CASP2: variants seen among roughly 807,000 people sequenced by gnomAD.
The protein encoded by CASP2 is caspase-2.
CASP2 carries 38 observed loss-of-function variants against 54.4 expected under a neutral mutation model. The ratio of observed to expected loss-of-function variants is 0.70; its 90% CI spans 0.54 to 0.92. The LOEUF (loss-of-function observed/expected upper bound fraction) is 0.92, where lower values mean the gene tolerates loss of function less well. Among genes scored for constraint, CASP2 ranks in the 40% least tolerant of loss-of-function variants. The probability of loss-of-function intolerance (pLI) is 0.00; values close to 1 mark genes in which losing one functional copy is unlikely to be tolerated. For synonymous variants in CASP2, 215 were observed against 216.3 expected, an observed-to-expected ratio of 0.99 and a Z score of 0.05; for missense variants, 512 against 579.6, an observed-to-expected ratio of 0.88 and a Z score of 1.20.
At chr7:143,291,768 G>A (rs773816314) in intron 2 of CASP2, 78 bp downstream of exon 2, 37 of 770,866 alleles carry the variant, frequency 4.8e-5, no homozygotes, top group Admixed American at 9.5e-5. Context: ...AAAGGGTGTC[G>A]TATCTTTCTT....
chr7:143,297,503 A>G (rs1422523083), intron 6 of CASP2, among the ~76,000 whole-genome samples: 1 of 152,080 alleles, frequency 6.6e-6, no homozygotes, highest in African/African-American at 2.4e-5. Flanking sequence ...CTAGAGTGCA[A>G]TGGCGCGATC....
Position 143,305,282 on chromosome 7 carries a change from A to G in CASP2, c.*211A>G, listed in dbSNP as rs900203639. 17 of 653,230 alleles carry G rather than the reference A, an allele frequency of 2.6e-5. No individual in the cohort carries two copies. The highest frequency in any genetic ancestry group is 7.2e-5 in the African/African-American group (4 of 55,528). 40.5% of individuals were successfully genotyped at this position (653,230 alleles called of 1,614,324 possible). A position where few individuals can be genotyped will look rare whatever the true frequency, so the allele number is the denominator to read the frequency against. On this transcript the variant is annotated 3_prime_UTR_variant, in exon 11 of 11. Coordinates refer to ENST00000310447, the MANE Select transcript of CASP2 (RefSeq NM_032982.4). ...TGTGAAGCCCTTTGCCTGTAGAGCCAGCCTTGGTTGGACCTATTGCCAGGA... is the reference window on the plus strand; with the variant it reads ...TGTGAAGCCCTTTGCCTGTAGAGCCGGCCTTGGTTGGACCTATTGCCAGGA...
At chr7:143,298,823 AAGAT>A (rs1801831603) in intron 6 of CASP2, 1 of 152,188 alleles carries the variant, frequency 6.6e-6, no homozygotes, top group African/African-American at 2.4e-5. Context: ...AAAAAAAAAA[AAGAT>A]AAACAGGAAA....
In CASP2 at chr7:143,305,447, A is replaced by T; in HGVS notation, c.*376A>T. 1 of 344,016 alleles carries T rather than the reference A, an allele frequency of 2.9e-6. No individual in the cohort carries two copies. Among genetic ancestry groups the T allele is most frequent in the South Asian group, 2.6e-5 (1 of 38,526 alleles). The allele number at this position is 344,016 out of a possible 1,614,324, so 21.3% of individuals were successfully genotyped here. A position where few individuals can be genotyped will look rare whatever the true frequency, so the allele number is the denominator to read the frequency against. On this transcript the variant is annotated 3_prime_UTR_variant, in exon 11 of 11. Transcript: ENST00000310447. ...GCACTTTAGTGATTGCTTTTATTAC[A>T]TTAGTTAAGATGTCTGAGAGACCAT... is the stretch of plus-strand genomic sequence containing the variant.
At position 143,304,597 on chromosome 7, in the gene CASP2, G is replaced by C. The variant is rs905954276; in HGVS notation, c.1118-77G>C. 2.2e-5 allele frequency: 23 copies of C among 1,034,582 alleles called. No individual in the cohort carries two copies. In the Middle Eastern group the frequency reaches 1.1e-3, roughly 50 times the overall value. The allele number at this position is 1,034,582 out of a possible 1,614,324, so 64.1% of individuals were successfully genotyped here. On this transcript the variant is annotated intron_variant, in intron 9 of 10. Transcript: ENST00000310447. ...TTCTCTGACTAGGGAGGGTGCAGGT[G>C]TCATGGCCGAGTCTAGTTTGGGAAG...
In CASP2 at chr7:143,299,997, CCT is replaced by C. The variant is rs1245783887; in HGVS notation, c.826_827del (p.Ser276AlafsTer25). ...TCACGGACTCCTGCATCGTGGCACT[CCT>C]CTCGCATGGTGTGGAGGGCGCCATC... ...RVTDSCIVAL[L>X]SHGVEGAIYG... On this transcript the variant is annotated frameshift_variant, in exon 7 of 11. Transcript: ENST00000310447. LOFTEE classifies it high-confidence loss of function. 6.2e-7 allele frequency: 1 copy of C among 1,614,144 alleles called. No homozygotes were observed. The highest frequency in any genetic ancestry group is 8.5e-7 in the Non-Finnish European group (1 of 1,180,024).
At chr7:143,290,951 C>CAT (rs1159448611) in intron 1 of CASP2, 1 of 158,498 alleles carries the variant, frequency 6.3e-6, no homozygotes, top group African/African-American at 2.4e-5. Context: ...GACTTTCTGT[C>CAT]ATACTTTCTG....
Position 143,305,473 on chromosome 7 carries a change from C to T in CASP2, c.*402C>T, listed in dbSNP as rs991086184. On this transcript the variant is annotated 3_prime_UTR_variant, in exon 11 of 11. Coordinates refer to ENST00000310447, the MANE Select transcript of CASP2 (RefSeq NM_032982.4). ...TTAGTTAAGATGTCTGAGAGACCATCTCCTATCTTTTATTTCATTCATATC... is the reference window on the plus strand; with the variant it reads ...TTAGTTAAGATGTCTGAGAGACCATTTCCTATCTTTTATTTCATTCATATC... The T allele has an allele frequency of 6.2e-6, 2 of 320,236 alleles. No homozygotes were observed. Among genetic ancestry groups the T allele is most frequent in the Non-Finnish European group, 1.2e-5 (2 of 164,040 alleles). The allele number at this position is 320,236 out of a possible 1,614,324, so 19.8% of individuals were successfully genotyped here.
chr7:143,292,271 T>C lies in CASP2; in HGVS notation c.226-29T>C, dbSNP rs770614973. 77 of 1,610,626 alleles carry C rather than the reference T, an allele frequency of 4.8e-5. 1 individual carries two copies. The highest frequency in any genetic ancestry group is 6.0e-5 in the Non-Finnish European group (71 of 1,177,098). ...AGAATTATAGCTAGAGAAGTAAATATGATTTCATGTTTTATTCTTGTGTCT... is the reference window on the plus strand; with the variant it reads ...AGAATTATAGCTAGAGAAGTAAATACGATTTCATGTTTTATTCTTGTGTCT... On this transcript the variant is annotated intron_variant, in intron 2 of 10. Transcript: ENST00000310447.
rs758122239 is a variant in CASP2 at position 143,292,222 on chromosome 7, A to G, written c.226-78A>G. 797 of 1,436,722 alleles carry G rather than the reference A, an allele frequency of 5.5e-4. 2 individuals carry two copies. The highest frequency in any genetic ancestry group is 1.4e-3 in the Middle Eastern group (7 of 5,078). 89.0% of individuals were successfully genotyped at this position (1,436,722 alleles called of 1,614,324 possible). On this transcript the variant is annotated intron_variant, in intron 2 of 10. Transcript: ENST00000310447. ...AAAAGAATTCTTGGATGAGGACACT[A>G]CTAGGAAGCTCATGTGGAGAAATAG... is the stretch of plus-strand genomic sequence containing the variant.
Position 143,294,677 on chromosome 7 carries a change from A to G in CASP2, c.651A>G (p.Glu217=). 6.2e-7 allele frequency: 1 copy of G among 1,614,146 alleles called. No homozygotes were observed. Among genetic ancestry groups the G allele is most frequent in the Non-Finnish European group, 8.5e-7 (1 of 1,179,988 alleles). The part of the protein sequence containing the change: ...NVHFTGEKEL[E]FRSGGDVDHS... ...ACTTCACTGGAGAGAAAGAACTGGA[A>G]TTTCGCTCTGGAGGGGATGTGGACC... Residue 217 remains glutamate, a synonymous_variant, in exon 6 of 11, where the codon GAA becomes GAG. Coordinates refer to ENST00000310447, the MANE Select transcript of CASP2 (RefSeq NM_032982.4).
intron 8 of CASP2, 158 bp downstream of exon 8, chr7:143,300,452 C>T (rs1468844274): frequency 6.3e-7 from 1 of 1,596,306 alleles, no homozygotes. Flanking sequence ...TAAGTGTCTC[C>T]CAATGCATGG....
intron 1 of CASP2, chr7:143,290,514 C>T (rs1801525403): frequency 6.6e-6 from 1 of 151,318 alleles, no homozygotes; most frequent in South Asian, 2.1e-4. Flanking sequence ...CTAGAGAACT[C>T]TGGATTTATG....
Position 143,303,652 on chromosome 7 carries a change from A to G in CASP2, c.968-132A>G, listed in dbSNP as rs1295051353. ...TTTTTTTTTTTTTAGTTTATCAGCC[A>G]TAGGTTGGAGGCAACAGCTGGAAAT... On this transcript the variant is annotated intron_variant, in intron 8 of 10. Transcript: ENST00000310447. The G allele has an allele frequency of 7.1e-6, 5 of 699,950 alleles. No individual in the cohort carries two copies. In the African/African-American group the frequency reaches 7.3e-5, roughly 10 times the overall value. The allele number at this position is 699,950 out of a possible 1,614,324, so 43.4% of individuals were successfully genotyped here. A position where few individuals can be genotyped will look rare whatever the true frequency, so the allele number is the denominator to read the frequency against.
chr7:143,307,382 T>C lies in CASP2; in HGVS notation c.*2311T>C, dbSNP rs903356769. 1 of 152,252 alleles carries C rather than the reference T, an allele frequency of 6.6e-6. No homozygotes were observed. The highest frequency in any genetic ancestry group is 2.4e-5 in the African/African-American group (1 of 41,474). The allele number at this position is 152,252 out of a possible 1,614,324, so 9.4% of individuals were successfully genotyped here. ...TGATAAAATGTTCCTTTTGACAATA[T>C]ACACGGATTATTATTTGTACTTTGT... On this transcript the variant is annotated 3_prime_UTR_variant, in exon 11 of 11. Coordinates refer to ENST00000310447, the MANE Select transcript of CASP2 (RefSeq NM_032982.4).
Position 143,304,710 on chromosome 7 carries a change from G to C in CASP2, c.1154G>C (p.Trp385Ser), listed in dbSNP as rs1410701109. 1 of 1,614,062 alleles carries C rather than the reference G, an allele frequency of 6.2e-7. No homozygotes were observed. The highest frequency in any genetic ancestry group is 8.5e-7 in the Non-Finnish European group (1 of 1,180,034). The change falls in exon 10 of 11, where the codon TGG becomes TCG. Residue 385 changes from tryptophan to serine, a missense_variant. Trp to Ser is a radical substitution (Grantham distance 177). This residue lies in a region of CASP2 where 417 missense variants were observed against 495.4 expected (regional missense o/e 0.84). Transcript: ENST00000310447. ...ATGCGGAACACCAAACGAGGTTCCTGGTACATCGAGGCTCTTGCTCAAGTG... is the reference window on the plus strand; with the variant it reads ...ATGCGGAACACCAAACGAGGTTCCTCGTACATCGAGGCTCTTGCTCAAGTG... ...AAMRNTKRGS[W>S]YIEALAQVFS...
In CASP2 at chr7:143,294,590, T is replaced by C; in HGVS notation, c.571-7T>C. 2 of 1,613,734 alleles carry C rather than the reference T, an allele frequency of 1.2e-6. No individual in the cohort carries two copies. The highest frequency in any genetic ancestry group is 1.7e-6 in the Non-Finnish European group (2 of 1,179,770). On this transcript the variant is annotated splice_region_variant and splice_polypyrimidine_tract_variant and intron_variant, in intron 5 of 10. Coordinates refer to ENST00000310447, the MANE Select transcript of CASP2 (RefSeq NM_032982.4). ...CGCTCATGGTCTAACTGGCCTCTCC[T>C]CCACAGGCATATAGGTTGCAGTCTC...
At chr7:143,303,196 T>A (rs949333380) in intron 8 of CASP2, 1 of 152,206 alleles carries the variant, frequency 6.6e-6, no homozygotes, top group African/African-American at 2.4e-5. Flanking sequence ...ATTTATCTTA[T>A]GAAATTAATA....
rs1802076903 is a variant in CASP2, at chr7:143,306,746, T to G, written c.*1675T>G. On this transcript the variant is annotated 3_prime_UTR_variant, in exon 11 of 11. Coordinates refer to ENST00000310447, the MANE Select transcript of CASP2 (RefSeq NM_032982.4). ...CCTGGCCTCAAGCCATCTTCCCGCCTCAGCCTCTCAAATAGCTGGGCTTAC... is the reference window on the plus strand; with the variant it reads ...CCTGGCCTCAAGCCATCTTCCCGCCGCAGCCTCTCAAATAGCTGGGCTTAC... 1 of 152,116 alleles carries G rather than the reference T, an allele frequency of 6.6e-6. No homozygotes were observed. The highest frequency in any genetic ancestry group is 2.1e-4 in the South Asian group (1 of 4,824). The allele number at this position is 152,116 out of a possible 1,614,324, so 9.4% of individuals were successfully genotyped here.
Sources: gnomAD v4.1 joint callset for allele counts (sites outside exome capture counted in the v4.1 genomes callset) on GRCh38, gnomAD v4.1.1 for gene constraint, gnomAD v4.1.1 regional missense constraint, MANE v1.5 for transcripts, NCBI Gene and HGNC (gene_info 2026-07-23, HGNC 2026-07-21) for gene names.